The following CENPP variants were observed in gnomAD, a reference collection of about 807,000 sequenced individuals.
The protein encoded by CENPP is centromere protein P.
CENPP carries 24 observed loss-of-function variants against 35.6 expected under a neutral mutation model. The observed-to-expected ratio is 0.67, with a 90% CI of 0.49 to 0.95. CENPP has a LOEUF of 0.95. CENPP is among the 40% of genes least tolerant of loss of function. The probability of loss-of-function intolerance (pLI) is 0.00; values close to 1 mark genes in which losing one functional copy is unlikely to be tolerated. For missense variants in CENPP, 332 were observed against 345.3 expected, an observed-to-expected ratio of 0.96 and a Z score of 0.31; for synonymous variants, 120 against 125.5, an observed-to-expected ratio of 0.96 and a Z score of 0.29.
chr9:92,502,411 G>T, intron 5 of CENPP: 1 of 1,414,240 alleles, frequency 7.1e-7, no homozygotes, highest in Non-Finnish European at 9.8e-7. Flanking sequence ...CTTCAGTATC[G>T]TCACCTCCCT....
At chr9:92,496,225 A>T in intron 5 of CENPP, 3 of 1,487,000 alleles carry the variant, frequency 2.0e-6, no homozygotes, top group Non-Finnish European at 2.7e-6. Flanking sequence ...ACTGAGTATA[A>T]CAGGAGGATT....
intron 5 of CENPP, among the ~76,000 whole-genome samples, chr9:92,571,725 G>A (rs976307773): frequency 2.6e-5 from 4 of 152,128 alleles, no homozygotes; most frequent in Non-Finnish European, 4.4e-5. Context: ...AAGTCTCTTT[G>A]TAGGTCTCTA....
At chr9:92,526,536 G>A (rs1301853078) in intron 5 of CENPP, among the ~76,000 whole-genome samples, 7 of 150,770 alleles carry the variant, frequency 4.6e-5, no homozygotes, top group Non-Finnish European at 1.0e-4. Flanking sequence ...AAAAGCAACA[G>A]CAAACCAAAC....
At chr9:92,612,470 C>A in intron 6 of CENPP, 53 bp from the exon 7 acceptor site, 2 of 1,440,550 alleles carry the variant, frequency 1.4e-6, no homozygotes, top group Non-Finnish European at 2.0e-6. Context: ...GGTTGCTAAT[C>A]TTTTCGCCAG....
chr9:92,542,258 C>T (rs1183471023), intron 5 of CENPP, among the ~76,000 whole-genome samples: 1 of 152,106 alleles, frequency 6.6e-6, no homozygotes, highest in Non-Finnish European at 1.5e-5. Flanking sequence ...TATTTGTTTT[C>T]TTGCTATCAA....
At chr9:92,459,370 C>T (rs951113358) in intron 5 of CENPP, among the ~76,000 whole-genome samples, 3 of 152,232 alleles carry the variant, frequency 2.0e-5, no homozygotes, top group Non-Finnish European at 2.9e-5. Context: ...ACTGTGCCAG[C>T]GGCTTTGCCG....
intron 3 of CENPP, among the ~76,000 whole-genome samples, chr9:92,345,002 A>G (rs1393691487): frequency 6.6e-6 from 1 of 151,656 alleles, no homozygotes; most frequent in Non-Finnish European, 1.5e-5. Context: ...CTGTAATCCC[A>G]GCACTTTGGG....
At chr9:92,582,397 A>T (rs776076395) in intron 5 of CENPP, among the ~76,000 whole-genome samples, 12 of 152,230 alleles carry the variant, frequency 7.9e-5, no homozygotes, top group Non-Finnish European at 1.5e-4. Flanking sequence ...GAAAGCAAAA[A>T]GGAAAAAAAT....
chr9:92,416,935 A>C, intron 5 of CENPP: 1 of 1,614,006 alleles, frequency 6.2e-7, no homozygotes, highest in Non-Finnish European at 8.5e-7. Context: ...CCATTTTGGC[A>C]AAGATTTTGT....
At chr9:92,452,280 C>T (rs974411985) in intron 5 of CENPP, among the ~76,000 whole-genome samples, 127 of 151,826 alleles carry the variant, frequency 8.4e-4, no homozygotes, top group African/African-American at 2.8e-3. Context: ...CCCATCAATA[C>T]CTAATTTATT....
chr9:92,325,779 A>AG (rs1840438349), upstream of CENPP: 2 of 532,798 alleles, frequency 3.8e-6, no homozygotes, highest in South Asian at 4.5e-5. Context: ...TTAGACAGCC[A>AG]GGGAAACGTG....
chr9:92,373,393 G>C (rs1466457507), intron 4 of CENPP, among the ~76,000 whole-genome samples: 4 of 152,020 alleles, frequency 2.6e-5, no homozygotes, highest in Non-Finnish European at 4.4e-5. Context: ...TTCCTTCAGT[G>C]ATTTCTTCAG....
At position 92,332,343 on chromosome 9, in the gene CENPP, C is replaced by T. The variant is rs748941278; in HGVS notation, c.281C>T (p.Thr94Ile). Residue 94 changes from threonine (T) to isoleucine (I), a missense_variant, in exon 2 of 8, where the codon ACA (threonine) becomes ATA (isoleucine). Coordinates refer to ENST00000375587, the MANE Select transcript of CENPP (RefSeq NM_001012267.3). ...GAAGACCTAACAAGCACTGAGATGACAGAAAAGAGTAAGCATTTTTTTTAA... is the reference window on the plus strand; with the variant it reads ...GAAGACCTAACAAGCACTGAGATGATAGAAAAGAGTAAGCATTTTTTTTAA... ...QTEDLTSTEMTEKSIRKVLQR... is the reference protein window; with the variant it reads ...QTEDLTSTEMIEKSIRKVLQR... 6.4e-7 allele frequency: 1 copy of T among 1,568,690 alleles called. No homozygotes were observed. Among genetic ancestry groups the T allele is most frequent in the South Asian group, 1.2e-5 (1 of 83,846 alleles).
At chr9:92,514,274 C>CTTTT (rs1044226766) in intron 5 of CENPP, among the ~76,000 whole-genome samples, 2 of 130,748 alleles carry the variant, frequency 1.5e-5, no homozygotes, top group Admixed American at 7.7e-5. Flanking sequence ...GAGTCATTTA[C>CTTTT]TTTTTTTTTT....
intron 5 of CENPP, chr9:92,464,881 C>T: frequency 1.4e-6 from 2 of 1,425,460 alleles, no homozygotes; most frequent in Non-Finnish European, 2.0e-6. Flanking sequence ...AAGGTGACAA[C>T]TTTAAAATAC....
At chr9:92,466,670 A>G in intron 5 of CENPP, 7 of 1,100,154 alleles carry the variant, frequency 6.4e-6, no homozygotes, top group South Asian at 1.5e-5. Flanking sequence ...TACAATTTAT[A>G]TCAGTGGTGT....
chr9:92,618,296 C>A lies in CENPP; in HGVS notation c.*5147C>A. 2.2e-6 allele frequency: 1 copy of A among 456,714 alleles called. No individual in the cohort carries two copies. Among genetic ancestry groups the A allele is most frequent in the South Asian group, 1.5e-5 (1 of 64,572 alleles). 28.3% of individuals were successfully genotyped at this position (456,714 alleles called of 1,614,324 possible). On this transcript the variant is annotated 3_prime_UTR_variant, in exon 8 of 8. Transcript: ENST00000375587. ...CATGGCTCAGTGCCTTCAGGACATG[C>A]CCTCCCCTCCCCTCCTAGTGTCGTT...
chr9:92,510,053 A>G lies in CENPP; in HGVS notation c.565-101261A>G. The stretch of plus-strand genomic sequence containing the variant: ...TCAGAAGCTTAAAAAGCAAATCTCA[A>G]AGTTACTTTTTTATCTAGTCACAGC... On this transcript the variant is annotated intron_variant, in intron 5 of 7. Transcript: ENST00000375587. 4.4e-6 allele frequency: 7 copies of G among 1,584,068 alleles called. No homozygotes were observed. The South Asian group carries it at 5.8e-5, about 13-fold the overall frequency.
chr9:92,341,040 G>C (rs1382302032), intron 3 of CENPP, among the ~76,000 whole-genome samples: 1 of 152,092 alleles, frequency 6.6e-6, no homozygotes, highest in Non-Finnish European at 1.5e-5. Flanking sequence ...TACGTGCCTG[G>C]AGGTATAGGA....
Sources: allele counts gnomAD v4.1 joint callset (sites outside exome capture counted in the v4.1 genomes callset), GRCh38; gene constraint gnomAD v4.1.1; transcripts MANE v1.5; gene names NCBI Gene and HGNC (gene_info 2026-07-23, HGNC 2026-07-21).